The following TEX15 variants were observed in gnomAD, a reference collection of about 807,000 sequenced individuals.
The protein encoded by TEX15 is testis expressed 15, meiosis and synapsis associated.
In TEX15, 171 loss-of-function variants were observed where a neutral mutation model predicts 237.3. The ratio of observed to expected loss-of-function variants is 0.72; its 90% CI spans 0.64 to 0.82. TEX15 has a LOEUF of 0.82. Ranked by LOEUF, TEX15 falls within the 40% of genes least tolerant of loss-of-function variation. The pLI is 0.00. For synonymous variants in TEX15, 1,338 were observed against 1,269.8 expected, an observed-to-expected ratio of 1.05 and a Z score of -1.14; for missense variants, 3,750 against 3,646.5, an observed-to-expected ratio of 1.03 and a Z score of -0.73.
At chr8:30,833,637 G>A (rs1807228801) in intron 10 of TEX15, among the ~76,000 whole-genome samples, 1 of 152,144 alleles carries the variant, frequency 6.6e-6, no homozygotes, top group Admixed American at 6.6e-5. Context: ...ATTTTCTGGT[G>A]TTGAATACAA....
Position 30,875,043 on chromosome 8 carries a change from T to A in TEX15, c.196A>T (p.Asn66Tyr), listed in dbSNP as rs1450205893. The change falls in exon 4 of 11, where the codon AAC becomes TAC. Residue 66 changes from asparagine to tyrosine, a missense_variant. Transcript: ENST00000643185. ...CAGTTTACATCAAGCCTGCACTGGT[T>A]AAGAGTATCATGTATAAAACTATAC... is the stretch of plus-strand genomic sequence containing the variant. ...REYSFIHDTL[N>Y]QCRLDVNCDL... 11 of 1,349,564 alleles carry A rather than the reference T, an allele frequency of 8.2e-6. No individual in the cohort carries two copies. The Admixed American group carries it at 9.1e-5, about 11-fold the overall frequency. 83.6% of individuals were successfully genotyped at this position (1,349,564 alleles called of 1,614,324 possible). A position where few individuals can be genotyped will look rare whatever the true frequency, so the allele number is the denominator to read the frequency against.
chr8:30,901,706 T>C (rs981020871), intron 1 of TEX15, among the ~76,000 whole-genome samples: 20 of 151,838 alleles, frequency 1.3e-4, no homozygotes, highest in Middle Eastern at 3.4e-3. Flanking sequence ...GTGGTAAGAG[T>C]TGGGTAAAAA....
chr8:30,912,104 G>A (rs1369755616), intron 1 of TEX15, among the ~76,000 whole-genome samples: 1 of 152,298 alleles, frequency 6.6e-6, no homozygotes, highest in African/African-American at 2.4e-5. Context: ...TCAGGCGCCC[G>A]CGTCGGAGCC....
chr8:30,903,872 T>C (rs1438813720), intron 1 of TEX15, among the ~76,000 whole-genome samples: 1 of 152,156 alleles, frequency 6.6e-6, no homozygotes, highest in East Asian at 1.9e-4. Flanking sequence ...GTATGAAATA[T>C]GGAAGATGAC....
In TEX15 at chr8:30,839,960, TCTAC is replaced by T; in HGVS notation, c.8164_8167del (p.Val2722ThrfsTer2). The T allele has an allele frequency of 6.3e-7, 1 of 1,590,488 alleles. No individual in the cohort carries two copies. On this transcript the variant is annotated frameshift_variant and splice_region_variant, in exon 9 of 11. Transcript: ENST00000643185. LOFTEE classifies it high-confidence loss of function. ...GTTGATTTTTGTGACATCTTTCATG[TCTAC>T]CTGTGTTTAAAAGATACAAAGAAAA...
chr8:30,909,749 C>G (rs996128758), intron 1 of TEX15, among the ~76,000 whole-genome samples: 3 of 152,062 alleles, frequency 2.0e-5, no homozygotes, highest in African/African-American at 7.2e-5. Context: ...CACAGAACAT[C>G]AATTTTAAAC....
At position 30,847,911 on chromosome 8, in the gene TEX15, T is replaced by G; in HGVS notation, c.2256A>C (p.Lys752Asn). The G allele has an allele frequency of 1.2e-6, 2 of 1,613,958 alleles. No individual in the cohort carries two copies. Among genetic ancestry groups the G allele is most frequent in the African/African-American group, 1.3e-5 (1 of 75,056 alleles). ...TAATGCTAGCATAATTTTGATTTAT[T>G]TTCCCCAATTTCAGTTCCATTAGCT... is the stretch of plus-strand genomic sequence containing the variant. Reference protein sequence around the residue: ...AQKLMELKLGKINQNYASIIT... With the variant: ...AQKLMELKLGNINQNYASIIT... Residue 752 changes from lysine (K) to asparagine (N), a missense_variant, in exon 8 of 11, where the codon AAA (lysine) becomes AAC (asparagine). Physicochemically the swap from Lys to Asn is moderately conservative, Grantham distance 94. Coordinates refer to ENST00000643185, the MANE Select transcript of TEX15 (RefSeq NM_001350162.2).
intron 5 of TEX15, among the ~76,000 whole-genome samples, chr8:30,861,667 TAA>T (rs1255142372): frequency 2.0e-5 from 3 of 152,264 alleles, no homozygotes; most frequent in African/African-American, 4.8e-5. Context: ...GCATTATATA[TAA>T]GAGCTCTCTT....
intron 4 of TEX15, 119 bp downstream of exon 4, chr8:30,874,818 A>G (rs149499592): frequency 5.2e-6 from 3 of 574,548 alleles, no homozygotes; most frequent in Non-Finnish European, 7.7e-6. Context: ...AACAAAAAAT[A>G]ATCTGTGTTT....
chr8:30,859,860 T>C (rs2128770486), intron 6 of TEX15, 51 bp downstream of exon 6: 2 of 1,294,958 alleles, frequency 1.5e-6, no homozygotes, highest in South Asian at 4.8e-5. Flanking sequence ...TCTTAAAACA[T>C]ACAATGTGAA....
intron 3 of TEX15, among the ~76,000 whole-genome samples, chr8:30,883,621 C>G (rs947689170): frequency 6.6e-6 from 1 of 152,120 alleles, no homozygotes; most frequent in African/African-American, 2.4e-5. Context: ...TTTTCTGTTC[C>G]TGTATTTGCA....
At chr8:30,896,872 C>T (rs1808916017) in intron 2 of TEX15, among the ~76,000 whole-genome samples, 2 of 152,130 alleles carry the variant, frequency 1.3e-5, no homozygotes, top group African/African-American at 2.4e-5. Context: ...TTTGAAGACT[C>T]TAAGACTGAA....
intron 9 of TEX15, among the ~76,000 whole-genome samples, chr8:30,839,194 C>T (rs1245766134): frequency 6.6e-6 from 1 of 152,076 alleles, no homozygotes; most frequent in East Asian, 1.9e-4. Context: ...AAAAGTAGTA[C>T]TATTTCTCTG....
In TEX15 at chr8:30,843,182, GGGA is replaced by G; in HGVS notation, c.6982_6984del (p.Ser2328del). The G allele has an allele frequency of 6.2e-7, 1 of 1,613,376 alleles. No individual in the cohort carries two copies. Among genetic ancestry groups the G allele is most frequent in the Non-Finnish European group, 8.5e-7 (1 of 1,179,630 alleles). On this transcript the variant is annotated inframe_deletion, in exon 8 of 11. Transcript: ENST00000643185. Reference sequence around the variant, plus strand: ...ATAGTATCCTCCTCAAGCCCAATAGGGGAAATTGGTTCATTGTTTAAATCTTTA... The same window carrying G: ...ATAGTATCCTCCTCAAGCCCAATAGGAATTGGTTCATTGTTTAAATCTTTA...
intron 9 of TEX15, among the ~76,000 whole-genome samples, chr8:30,838,348 G>A (rs1361451134): frequency 1.3e-5 from 2 of 152,146 alleles, no homozygotes; most frequent in South Asian, 2.1e-4. Context: ...GCTTTTAAAA[G>A]TAGAAAACTA....
At chr8:30,878,458 A>C (rs1808446930) in intron 3 of TEX15, among the ~76,000 whole-genome samples, 1 of 152,050 alleles carries the variant, frequency 6.6e-6, no homozygotes, top group Non-Finnish European at 1.5e-5. Flanking sequence ...ATCTCGGCTC[A>C]CCACAACCTC....
chr8:30,886,936 A>C (rs1441906100), intron 3 of TEX15: 2 of 363,510 alleles, frequency 5.5e-6, no homozygotes, highest in Non-Finnish European at 9.7e-6. Context: ...AAGTCTTTTC[A>C]TATTTGTTTC....
At position 30,907,449 on chromosome 8, in the gene TEX15, A is replaced by G. The variant is rs558354904; in HGVS notation, c.-86+5430T>C. 7.9e-3 allele frequency among the ~76,000 whole-genome samples: 1,177 copies of G among 148,136 alleles called. 14 individuals are homozygous for G. Among genetic ancestry groups the G allele is most frequent in the African/African-American group, 0.027 (1,117 of 40,682 alleles). ...CCTGGCTAATTTATATATACAATGT[A>G]TATATAAATTATATACAAAATGTAT... On this transcript the variant is annotated intron_variant, in intron 1 of 10. Transcript: ENST00000643185.
chr8:30,894,477 T>C (rs189466250), intron 2 of TEX15, among the ~76,000 whole-genome samples: 33 of 152,372 alleles, frequency 2.2e-4, no homozygotes, highest in South Asian at 2.1e-4. Context: ...ATAACTCATA[T>C]TCTTTAAAGC....
Sources: allele counts gnomAD v4.1 joint callset (sites outside exome capture counted in the v4.1 genomes callset), GRCh38; gene constraint gnomAD v4.1.1; transcripts MANE v1.5; gene names NCBI Gene and HGNC (gene_info 2026-07-23, HGNC 2026-07-21).